ZFR: variants seen among roughly 807,000 people sequenced by gnomAD.
ZFR encodes zinc finger RNA-binding protein.
In ZFR, 19 loss-of-function variants were observed where a neutral mutation model predicts 130.7. The observed-to-expected ratio is 0.15, with a 90% CI of 0.10 to 0.21. ZFR has a LOEUF of 0.21. Among genes scored for constraint, ZFR ranks in the 10% least tolerant of loss-of-function variants. ZFR has a pLI of 1.00. For missense variants in ZFR, 872 were observed against 1,321.5 expected (o/e 0.66, Z 5.27); for synonymous variants, 466 against 456.9 (o/e 1.02, Z -0.25).
chr5:32,377,214 TTCTCTC>T (rs143572606), intron 17 of ZFR, among the ~76,000 whole-genome samples: 2 of 147,418 alleles, frequency 1.4e-5, no homozygotes, highest in African/African-American at 2.5e-5. Flanking sequence ...TTATTTCTCT[TTCTCTC>T]TCTCTCTCTC....
At position 32,406,900 on chromosome 5, in the gene ZFR, GGCAGCTGTTGCAGCAGCAGCA is replaced by G. The variant is rs771973732; in HGVS notation, c.885_905del (p.Ala296_Ala302del). On this transcript the variant is annotated inframe_deletion, in exon 6 of 20. Coordinates refer to ENST00000265069, the MANE Select transcript of ZFR (RefSeq NM_016107.5). The stretch of plus-strand genomic sequence containing the variant: ...TTTTAGTAAAGGTGGTCCCTGTCCA[GGCAGCTGTTGCAGCAGCAGCA>G]GCAGCTGCTGCTGCTGCCTGCTTCT... The G allele has an allele frequency of 4.2e-5, 67 of 1,613,024 alleles. No homozygotes were observed. Among genetic ancestry groups the G allele is most frequent in the Admixed American group, 6.7e-5 (4 of 59,724 alleles).
chr5:32,404,315 T>C (rs1157099972), intron 6 of ZFR, among the ~76,000 whole-genome samples: 1 of 152,248 alleles, frequency 6.6e-6, no homozygotes, highest in Non-Finnish European at 1.5e-5. Flanking sequence ...AGTTACAAAG[T>C]ACTTTCATAT....
intron 2 of ZFR, among the ~76,000 whole-genome samples, chr5:32,442,394 CG>C (rs1754493833): frequency 6.6e-6 from 1 of 152,148 alleles, no homozygotes; most frequent in African/African-American, 2.4e-5. Context: ...AATTAGTCCA[CG>C]TAACCAAAAA....
intron 5 of ZFR, among the ~76,000 whole-genome samples, chr5:32,410,740 G>T (rs1753689341): frequency 1.3e-5 from 2 of 152,148 alleles, no homozygotes; most frequent in African/African-American, 4.8e-5. Context: ...CATTTGGTAG[G>T]TAGCAATACT....
intron 16 of ZFR, 26 bp from the exon 17 acceptor site, chr5:32,379,236 G>C (rs1250144402): frequency 6.3e-7 from 1 of 1,581,556 alleles, no homozygotes; most frequent in Non-Finnish European, 8.7e-7. Context: ...AAAACCAATT[G>C]AATTAATCTT....
rs1271484162 is a variant in ZFR at position 32,444,223 on chromosome 5, C to T, written c.137+6G>A. On this transcript the variant is annotated splice_donor_region_variant and intron_variant, in intron 2 of 19. Coordinates refer to ENST00000265069, the MANE Select transcript of ZFR (RefSeq NM_016107.5). ...GGCGAACAGAGAGAAGGCAGGATGC[C>T]GTTACCTATATTGGGCCGCAGCCGC... 3.1e-6 allele frequency: 5 copies of T among 1,595,360 alleles called. No individual in the cohort carries two copies. The highest frequency in any genetic ancestry group is 1.1e-5 in the South Asian group (1 of 88,360).
intron 3 of ZFR, among the ~76,000 whole-genome samples, 184 bp downstream of exon 3, chr5:32,419,637 C>A (rs1288481230): frequency 6.6e-6 from 1 of 152,166 alleles, no homozygotes; most frequent in African/African-American, 2.4e-5. Flanking sequence ...CGCGCCCAGC[C>A]GGCAAGGAAC....
intron 2 of ZFR, among the ~76,000 whole-genome samples, chr5:32,431,684 T>C (rs1027728090): frequency 6.6e-6 from 1 of 152,002 alleles, no homozygotes; most frequent in Non-Finnish European, 1.5e-5. Flanking sequence ...TCAACAGTGT[T>C]GGACTTTTCT....
chr5:32,358,583 G>A (rs150025507), intron 19 of ZFR, among the ~76,000 whole-genome samples: 1 of 152,186 alleles, frequency 6.6e-6, no homozygotes, highest in Admixed American at 6.5e-5. Context: ...CATGAACCCC[G>A]GAGGCGGCTG....
intron 15 of ZFR, among the ~76,000 whole-genome samples, chr5:32,381,157 G>C (rs570066835): frequency 1.3e-5 from 2 of 152,158 alleles, no homozygotes; most frequent in Non-Finnish European, 2.9e-5. Context: ...ATCCTGTGAC[G>C]ATAGATGTGT....
chr5:32,436,810 T>C (rs1021873320), intron 2 of ZFR, among the ~76,000 whole-genome samples: 2 of 152,178 alleles, frequency 1.3e-5, no homozygotes, highest in African/African-American at 4.8e-5. Context: ...AACAACACAA[T>C]GGAGAATGTA....
At chr5:32,365,416 C>T (rs1418779417) in intron 17 of ZFR, among the ~76,000 whole-genome samples, 1 of 151,884 alleles carries the variant, frequency 6.6e-6, no homozygotes, top group East Asian at 1.9e-4. Flanking sequence ...CGCACATTAA[C>T]AACTATGAAA....
At chr5:32,417,283 A>C (rs1335333612) in intron 4 of ZFR, among the ~76,000 whole-genome samples, 1 of 152,214 alleles carries the variant, frequency 6.6e-6, no homozygotes, top group Non-Finnish European at 1.5e-5. Context: ...TTAATTAAAA[A>C]TATGGGCCCA....
chr5:32,411,655 C>T (rs1399874700), intron 5 of ZFR, among the ~76,000 whole-genome samples: 6 of 130,578 alleles, frequency 4.6e-5, no homozygotes, highest in East Asian at 4.3e-4. Flanking sequence ...CGCCACTGCA[C>T]CCCAGCCTGG....
rs1490526351 is a variant in ZFR at position 32,399,976 on chromosome 5, T to C, written c.1713+31A>G. Reference sequence around the variant, plus strand: ...AATGCACTTCTTCCCTTTATCCAATTTCACAGCAATGGTATTCTCAAATCA... The same window carrying C: ...AATGCACTTCTTCCCTTTATCCAATCTCACAGCAATGGTATTCTCAAATCA... On this transcript the variant is annotated intron_variant, in intron 9 of 19. Coordinates refer to ENST00000265069, the MANE Select transcript of ZFR (RefSeq NM_016107.5). 6 of 1,560,846 alleles carry C rather than the reference T, an allele frequency of 3.8e-6. No individual in the cohort carries two copies. In the East Asian group the frequency reaches 9.2e-5, roughly 24 times the overall value.
At position 32,380,141 on chromosome 5, in the gene ZFR, C is replaced by T. The variant is rs751371575; in HGVS notation, c.2673G>A (p.Pro891=). The T allele has an allele frequency of 6.2e-7, 1 of 1,613,878 alleles. No individual in the cohort carries two copies. The highest frequency in any genetic ancestry group is 1.3e-5 in the African/African-American group (1 of 74,892). ...DVTSGMVKDP[P]DVLDRQKCLD... Reference sequence around the variant, plus strand: ...GGCATTTTTGCCTGTCCAAGACGTCCGGTGGGTCTTTCACCATACCCGAGG... The same window carrying T: ...GGCATTTTTGCCTGTCCAAGACGTCTGGTGGGTCTTTCACCATACCCGAGG... The change falls in exon 16 of 20, where the codon CCG becomes CCA. Residue 891 remains proline (P), a synonymous_variant. Coordinates refer to ENST00000265069, the MANE Select transcript of ZFR (RefSeq NM_016107.5).
chr5:32,401,949 C>G (rs745374815), intron 8 of ZFR, among the ~76,000 whole-genome samples: 8 of 152,082 alleles, frequency 5.3e-5, no homozygotes, highest in Non-Finnish European at 2.9e-5. Flanking sequence ...CAGAAATCTG[C>G]AATTTTATGA....
intron 2 of ZFR, among the ~76,000 whole-genome samples, chr5:32,435,163 A>G (rs547247793): frequency 2.6e-5 from 4 of 152,300 alleles, no homozygotes; most frequent in African/African-American, 9.6e-5. Context: ...CACCCACATC[A>G]GCCTCCCAAA....
At chr5:32,380,367 G>C in intron 15 of ZFR, 195 bp from the exon 16 acceptor site, 1 of 442,390 alleles carries the variant, frequency 2.3e-6, no homozygotes, top group Non-Finnish European at 4.1e-6. Flanking sequence ...TATTAATTTA[G>C]TAATATAATA....
Sources: gnomAD v4.1 joint callset for allele counts (sites outside exome capture counted in the v4.1 genomes callset) on GRCh38, gnomAD v4.1.1 for gene constraint, MANE v1.5 for transcripts, NCBI Gene and HGNC (gene_info 2026-07-23, HGNC 2026-07-21) for gene names.